The following ZNF654 variants were observed in gnomAD, a reference collection of about 807,000 sequenced individuals.
ZNF654 encodes melanoma-associated antigen.
In ZNF654, 19 loss-of-function variants were observed where a neutral mutation model predicts 95.3. That is an observed-to-expected ratio of 0.20 (90% confidence interval 0.14 to 0.29). ZNF654 has a LOEUF of 0.29. Among genes scored for constraint, ZNF654 ranks in the 10% least tolerant of loss-of-function variants. ZNF654 has a pLI of 1.00. For missense variants in ZNF654, 1,046 were observed against 1,341.0 expected (o/e 0.78, Z 3.44); for synonymous variants, 413 against 457.9 (o/e 0.90, Z 1.25).
chr3:88,097,065 G>A lies in ZNF654; in HGVS notation c.332+10663G>A, dbSNP rs1194639351. On this transcript the variant is annotated intron_variant, in intron 2 of 8. Coordinates refer to ENST00000636215, the MANE Select transcript of ZNF654 (RefSeq NM_001350134.2). ...GTGTATATCAAAATGTAATTAACCA[G>A]CCCCTTACTAATGGATAGTTCTTGT... is the stretch of plus-strand genomic sequence containing the variant. 3.3e-5 allele frequency among the ~76,000 whole-genome samples: 5 copies of A among 152,124 alleles called. No individual in the cohort carries two copies. In the East Asian group the frequency reaches 5.8e-4, roughly 18 times the overall value.
At chr3:88,086,169 A>T in intron 1 of ZNF654, 88 bp from the exon 2 acceptor site, 1 of 1,247,174 alleles carries the variant, frequency 8.0e-7, no homozygotes, top group Non-Finnish European at 1.1e-6. Flanking sequence ...CTAATATTTT[A>T]ATTTATCCAG....
intron 1 of ZNF654, among the ~76,000 whole-genome samples, chr3:88,074,609 T>G (rs1320838185): frequency 2.6e-5 from 4 of 152,150 alleles, no homozygotes; most frequent in Non-Finnish European, 5.9e-5. Context: ...TCCAAAGTGC[T>G]GGATTATAAG....
At chr3:88,131,278 C>T (rs992699723) in intron 6 of ZNF654, among the ~76,000 whole-genome samples, 1 of 152,126 alleles carries the variant, frequency 6.6e-6, no homozygotes, top group Non-Finnish European at 1.5e-5. Flanking sequence ...CTGTTGTATA[C>T]GCAGTCTTCT....
chr3:88,060,824 G>A (rs1236955118), intron 1 of ZNF654, among the ~76,000 whole-genome samples: 1 of 151,782 alleles, frequency 6.6e-6, no homozygotes, highest in African/African-American at 2.4e-5. Flanking sequence ...GGGAAAGCTT[G>A]TAAGAATTCC....
chr3:88,079,339 T>TA (rs1303149509), intron 1 of ZNF654, among the ~76,000 whole-genome samples: 1 of 152,068 alleles, frequency 6.6e-6, no homozygotes, highest in African/African-American at 2.4e-5. Context: ...GAGAAATAGT[T>TA]AAAATGGATG....
chr3:88,110,926 A>C (rs1393063716), intron 2 of ZNF654, among the ~76,000 whole-genome samples: 1 of 151,950 alleles, frequency 6.6e-6, no homozygotes, highest in East Asian at 1.9e-4. Context: ...TCTCTTTTTA[A>C]TATCATTATC....
chr3:88,072,917 T>G (rs1323690028), intron 1 of ZNF654, among the ~76,000 whole-genome samples: 1 of 152,242 alleles, frequency 6.6e-6, no homozygotes, highest in Non-Finnish European at 1.5e-5. Flanking sequence ...CTGATAGAGA[T>G]AATTTGGAAA....
At chr3:88,080,113 G>GT (rs1214394354) in intron 1 of ZNF654, among the ~76,000 whole-genome samples, 1 of 152,006 alleles carries the variant, frequency 6.6e-6, no homozygotes, top group African/African-American at 2.4e-5. Flanking sequence ...GTTCAGGCAT[G>GT]TAGCATTTTA....
At chr3:88,113,290 A>C in intron 3 of ZNF654, 94 bp downstream of exon 3, 1 of 716,044 alleles carries the variant, frequency 1.4e-6, no homozygotes, top group Non-Finnish European at 2.2e-6. Context: ...TATTGCTTAT[A>C]AGTTTTTAAT....
chr3:88,136,915 C>G (rs1706819526), intron 7 of ZNF654, among the ~76,000 whole-genome samples: 1 of 152,004 alleles, frequency 6.6e-6, no homozygotes, highest in African/African-American at 2.4e-5. Flanking sequence ...AGGATGTAGG[C>G]TGGGCGCGAT....
At chr3:88,134,103 T>TA (rs749235741) in intron 6 of ZNF654, among the ~76,000 whole-genome samples, 10,516 of 142,272 alleles carry the variant, frequency 0.074, 453 homozygotes, top group Non-Finnish European at 0.11. Flanking sequence ...GAGTGTGAGT[T>TA]AAAAAAAAAA....
At position 88,140,599 on chromosome 3, in the gene ZNF654, T is replaced by G; in HGVS notation, c.2930T>G (p.Val977Gly). The G allele has an allele frequency of 6.2e-7, 1 of 1,613,744 alleles. No homozygotes were observed. The highest frequency in any genetic ancestry group is 2.2e-5 in the East Asian group (1 of 44,866). The change falls in exon 8 of 9, where the codon GTC becomes GGC. Residue 977 changes from valine to glycine, a missense_variant. Val to Gly is a moderately radical substitution (Grantham distance 109). This residue lies in a region of ZNF654 where 495 missense variants were observed against 537.0 expected (regional missense o/e 0.92). Transcript: ENST00000636215. ...AATAATTGTAGTAGTAGTGATATAGTCAATGGACACAGTGAAATAGAGCAA... is the reference window on the plus strand; with the variant it reads ...AATAATTGTAGTAGTAGTGATATAGGCAATGGACACAGTGAAATAGAGCAA... ...SENNCSSSDI[V>G]NGHSEIEQTP...
intron 1 of ZNF654, among the ~76,000 whole-genome samples, chr3:88,074,585 G>A (rs189210737): frequency 3.9e-5 from 6 of 152,066 alleles, no homozygotes; most frequent in Admixed American, 3.9e-4. Flanking sequence ...CAAGTGATCC[G>A]CCTGCCTCGG....
At chr3:88,119,431 T>G in intron 3 of ZNF654, among the ~76,000 whole-genome samples, 1 of 141,688 alleles carries the variant, frequency 7.1e-6, no homozygotes, top group Middle Eastern at 3.5e-3. Context: ...TTGGGAGATA[T>G]ACCTAATGCT....
At chr3:88,100,318 AAAC>A (rs546586599) in intron 2 of ZNF654, among the ~76,000 whole-genome samples, 311 of 152,254 alleles carry the variant, frequency 2.0e-3, no homozygotes, top group Middle Eastern at 6.8e-3. Context: ...AAAAGTCAGG[AAAC>A]AACAGGTGCT....
chr3:88,115,539 TG>T (rs1305969195), intron 3 of ZNF654, among the ~76,000 whole-genome samples: 1 of 152,202 alleles, frequency 6.6e-6, no homozygotes, highest in African/African-American at 2.4e-5. Flanking sequence ...TCTTACTACT[TG>T]GATTTTTATT....
chr3:88,094,140 T>G (rs1046000796), intron 2 of ZNF654, among the ~76,000 whole-genome samples: 17 of 152,006 alleles, frequency 1.1e-4, no homozygotes, highest in African/African-American at 3.4e-4. Flanking sequence ...GTCTTAATTC[T>G]TTTCTCTTAC....
chr3:88,098,996 G>A (rs1415837336), intron 2 of ZNF654, among the ~76,000 whole-genome samples: 8 of 152,038 alleles, frequency 5.3e-5, no homozygotes, highest in Non-Finnish European at 1.0e-4. Flanking sequence ...GCAATCAGGC[G>A]AGAGAAAGAA....
chr3:88,084,479 G>T (rs935121708), intron 1 of ZNF654, among the ~76,000 whole-genome samples: 2 of 152,180 alleles, frequency 1.3e-5, no homozygotes, highest in African/African-American at 4.8e-5. Flanking sequence ...TTAGTCTGTA[G>T]TGATGACCGC....
Sources: gnomAD v4.1 joint callset for allele counts (sites outside exome capture counted in the v4.1 genomes callset) on GRCh38, gnomAD v4.1.1 for gene constraint, gnomAD v4.1.1 regional missense constraint, MANE v1.5 for transcripts, NCBI Gene and HGNC (gene_info 2026-07-23, HGNC 2026-07-21) for gene names.